PRR11: variants seen among roughly 807,000 people sequenced by gnomAD.
PRR11 encodes proline rich 11, also known as proline-rich protein 11.
A neutral mutation model predicts 45.6 loss-of-function variants in PRR11; 30 were observed. The ratio of observed to expected loss-of-function variants is 0.66; its 90% CI spans 0.49 to 0.89. The LOEUF is 0.89. Ranked by LOEUF, PRR11 falls within the 40% of genes least tolerant of loss-of-function variation. PRR11 has a pLI of 0.00. For synonymous variants in PRR11, 128 were observed against 153.5 expected, an observed-to-expected ratio of 0.83 and a Z score of 1.23; for missense variants, 373 against 424.8, an observed-to-expected ratio of 0.88 and a Z score of 1.07.
intron 2 of PRR11, chr17:59,174,897 T>C: frequency 8.7e-7 from 1 of 1,151,332 alleles, no homozygotes; most frequent in Non-Finnish European, 1.3e-6. Context: ...TCCCTCCCCT[T>C]GTCCAGCCTC....
At chr17:59,182,342 C>T (rs1481201404) in intron 2 of PRR11, among the ~76,000 whole-genome samples, 3 of 142,310 alleles carry the variant, frequency 2.1e-5, no homozygotes, top group African/African-American at 7.9e-5. Flanking sequence ...TTTCTCCATT[C>T]TTCCCATACA....
chr17:59,183,161 G>T (rs1315949776), intron 2 of PRR11, among the ~76,000 whole-genome samples: 1 of 152,144 alleles, frequency 6.6e-6, no homozygotes, highest in Non-Finnish European at 1.5e-5. Flanking sequence ...GGAGATCCTG[G>T]GTGAATGGTA....
Position 59,195,390 on chromosome 17 carries a change from T to TA in PRR11, c.805dup (p.Thr269AsnfsTer5). The TA allele has an allele frequency of 6.2e-7, 1 of 1,614,050 alleles. No individual in the cohort carries two copies. Among genetic ancestry groups the TA allele is most frequent in the Non-Finnish European group, 8.5e-7 (1 of 1,179,958 alleles). On this transcript the variant is annotated frameshift_variant, in exon 7 of 10. Transcript: ENST00000262293. LOFTEE classifies it high-confidence loss of function. Reference sequence around the variant, plus strand: ...TTACCGTCTCTGACTTGCAGCATGTTACCCTGAAACCTAACTCCAAAGTGT... The same window carrying TA: ...TTACCGTCTCTGACTTGCAGCATGTTAACCCTGAAACCTAACTCCAAAGTGT...
chr17:59,175,005 C>T (rs954575163), intron 2 of PRR11: 35 of 717,536 alleles, frequency 4.9e-5, no homozygotes, highest in African/African-American at 3.0e-4. Flanking sequence ...GCGCATGGAA[C>T]GGAAGAACTG....
intron 2 of PRR11, among the ~76,000 whole-genome samples, chr17:59,176,138 C>T (rs1427177678): frequency 6.6e-6 from 1 of 152,136 alleles, no homozygotes. Context: ...CCTTCAGAAC[C>T]ACATGTGTGC....
chr17:59,161,247 A>G (rs747773738), intron 1 of PRR11, among the ~76,000 whole-genome samples: 166 of 152,084 alleles, frequency 1.1e-3, no homozygotes, highest in Non-Finnish European at 2.0e-3. Flanking sequence ...TCTCTACTAA[A>G]AATACAAAAA....
intron 1 of PRR11, among the ~76,000 whole-genome samples, chr17:59,160,473 G>C (rs545514253): frequency 6.6e-6 from 1 of 152,254 alleles, no homozygotes; most frequent in Admixed American, 6.5e-5. Flanking sequence ...GTTTCACTGT[G>C]TTTGCCAGTC....
intron 2 of PRR11, chr17:59,177,349 C>T: frequency 1.9e-6 from 1 of 535,862 alleles, no homozygotes; most frequent in South Asian, 1.4e-5. Flanking sequence ...GAGGGTTTGC[C>T]CATCAGAGAA....
At chr17:59,174,633 C>T (rs985002046) in intron 2 of PRR11, among the ~76,000 whole-genome samples, 3 of 152,130 alleles carry the variant, frequency 2.0e-5, no homozygotes, top group Admixed American at 2.0e-4. Flanking sequence ...GGGGATCTCG[C>T]CATGTTGCCC....
intron 1 of PRR11, among the ~76,000 whole-genome samples, chr17:59,161,979 AAAAC>A (rs1408151865): frequency 6.6e-6 from 1 of 152,194 alleles, no homozygotes; most frequent in Non-Finnish European, 1.5e-5. Flanking sequence ...TAATGATACT[AAAAC>A]AAACCTTAAT....
At chr17:59,166,945 C>T (rs1355063161) in intron 1 of PRR11, among the ~76,000 whole-genome samples, 3 of 152,074 alleles carry the variant, frequency 2.0e-5, no homozygotes, top group East Asian at 1.9e-4. Flanking sequence ...AGGCAGATCA[C>T]GAGGTCAGGA....
intron 1 of PRR11, among the ~76,000 whole-genome samples, chr17:59,165,314 G>A (rs975271068): frequency 2.0e-5 from 3 of 151,552 alleles, no homozygotes; most frequent in Admixed American, 6.6e-5. Context: ...GCCACCGCGC[G>A]TCCGGTCTGG....
intron 4 of PRR11, among the ~76,000 whole-genome samples, chr17:59,187,804 G>A (rs188181265): frequency 1.2e-3 from 178 of 151,262 alleles, no homozygotes; most frequent in Non-Finnish European, 1.5e-3. Context: ...GGCGGAGGTT[G>A]CAGTGAGCCG....
intron 2 of PRR11, 58 bp downstream of exon 2, chr17:59,169,938 A>G: frequency 6.7e-7 from 1 of 1,502,956 alleles, no homozygotes; most frequent in South Asian, 1.4e-5. Context: ...TTTAAGATAG[A>G]GTTTCAGATT....
intron 1 of PRR11, among the ~76,000 whole-genome samples, chr17:59,165,219 AC>A (rs1205083105): frequency 6.6e-6 from 1 of 151,406 alleles, no homozygotes; most frequent in Non-Finnish European, 1.5e-5. Context: ...ACGGGGTTTC[AC>A]CATGTTAGCC....
intron 2 of PRR11, among the ~76,000 whole-genome samples, chr17:59,176,686 T>G (rs79527463): frequency 1.6e-5 from 1 of 64,368 alleles, no homozygotes; most frequent in Non-Finnish European, 3.2e-5. Flanking sequence ...TTTTTTGGCT[T>G]TTTTTTTTTT....
intron 4 of PRR11, among the ~76,000 whole-genome samples, chr17:59,189,599 G>T (rs887317750): frequency 6.6e-6 from 1 of 152,072 alleles, no homozygotes; most frequent in Non-Finnish European, 1.5e-5. Context: ...CTCCCAAAGT[G>T]CTGGGATTCT....
At position 59,194,777 on chromosome 17, in the gene PRR11, T is replaced by C; in HGVS notation, c.666T>C (p.Asp222=). 1 of 1,613,190 alleles carries C rather than the reference T, an allele frequency of 6.2e-7. No homozygotes were observed. ...KALQAGPLKK[D]GPMQITVKDL... Reference sequence around the variant, plus strand: ...TTAAGGCTGGACCATTAAAAAAAGATGGACCCATGCAGATAACAGTTAAAG... The same window carrying C: ...TTAAGGCTGGACCATTAAAAAAAGACGGACCCATGCAGATAACAGTTAAAG... The change falls in exon 6 of 10, where the codon GAT becomes GAC. Residue 222 remains aspartate (D), a synonymous_variant. Coordinates refer to ENST00000262293, the MANE Select transcript of PRR11 (RefSeq NM_018304.4).
chr17:59,158,196 C>T (rs1403970580), intron 1 of PRR11, among the ~76,000 whole-genome samples: 2 of 152,146 alleles, frequency 1.3e-5, no homozygotes, highest in African/African-American at 4.8e-5. Flanking sequence ...AAGAAACATT[C>T]TCCAAAACGA....
Sources: allele counts gnomAD v4.1 joint callset (sites outside exome capture counted in the v4.1 genomes callset), GRCh38; gene constraint gnomAD v4.1.1; transcripts MANE v1.5; gene names NCBI Gene and HGNC (gene_info 2026-07-23, HGNC 2026-07-21).